Variants in IL1RAPL1 observed in about 807,000 individuals in gnomAD.
IL1RAPL1 encodes the protein interleukin 1 receptor accessory protein like 1.
IL1RAPL1 carries 3 observed loss-of-function variants against 48.4 expected under a neutral mutation model. The observed-to-expected ratio is 0.06, with a 90% CI of 0.03 to 0.16. The LOEUF (loss-of-function observed/expected upper bound fraction) is 0.16, where lower values mean the gene tolerates loss of function less well. IL1RAPL1 is among the 10% of genes least tolerant of loss of function. The probability of loss-of-function intolerance (pLI) is 1.00; values close to 1 mark genes in which losing one functional copy is unlikely to be tolerated. For synonymous variants in IL1RAPL1, 185 were observed against 187.7 expected, an observed-to-expected ratio of 0.99 and a Z score of 0.12; for missense variants, 349 against 530.6, an observed-to-expected ratio of 0.66 and a Z score of 3.36.
chrX:29,822,459 CTT>C (rs1171309110), intron 6 of IL1RAPL1, among the ~76,000 whole-genome samples: 1 of 103,685 alleles, frequency 9.6e-6, no homozygotes, highest in Non-Finnish European at 2.0e-5. Context: ...CAGATATACA[CTT>C]TTTTTTTTTG....
chrX:29,611,971 C>T (rs1157140080), intron 5 of IL1RAPL1, among the ~76,000 whole-genome samples: 2 of 111,315 alleles, frequency 1.8e-5, no homozygotes, highest in Admixed American at 9.6e-5. Context: ...CTCTGCTGCT[C>T]TCCTGCTCTT....
intron 1 of IL1RAPL1, among the ~76,000 whole-genome samples, chrX:28,655,375 C>A (rs1341355597): frequency 9.1e-6 from 1 of 110,366 alleles, no homozygotes; most frequent in Non-Finnish European, 1.9e-5. Context: ...TTCTTTCCAA[C>A]TTTTATTTTA....
intron 2 of IL1RAPL1, among the ~76,000 whole-genome samples, chrX:29,002,916 T>TACACACACACACACAC (rs371924976): frequency 2.9e-5 from 3 of 103,005 alleles, no homozygotes; most frequent in Non-Finnish European, 5.9e-5. Context: ...GTTATGTGTG[T>TACACACACACACACAC]ACACACACAC....
chrX:28,938,788 A>G (rs1924084810), intron 2 of IL1RAPL1, among the ~76,000 whole-genome samples: 1 of 111,199 alleles, frequency 9.0e-6, no homozygotes, highest in Non-Finnish European at 1.9e-5. Flanking sequence ...TCTGACAAAG[A>G]TATAATATCC....
chrX:28,775,471 T>A (rs1936353964), intron 1 of IL1RAPL1, among the ~76,000 whole-genome samples: 2 of 112,010 alleles, frequency 1.8e-5, no homozygotes, highest in Admixed American at 1.9e-4. Context: ...GGATTTAGGG[T>A]ACACCCTAAT....
chrX:29,753,359 A>G (rs1276260687), intron 6 of IL1RAPL1, among the ~76,000 whole-genome samples: 1 of 111,716 alleles, frequency 9.0e-6, no homozygotes, highest in Admixed American at 9.5e-5. Flanking sequence ...TGATGTAGGC[A>G]TACACTCACC....
chrX:29,135,987 T>C (rs1929118215), intron 2 of IL1RAPL1, among the ~76,000 whole-genome samples: 1 of 112,077 alleles, frequency 8.9e-6, no homozygotes, highest in Admixed American at 9.5e-5. Context: ...TCTGCCTGCC[T>C]TGGCCTTCCA....
intron 3 of IL1RAPL1, among the ~76,000 whole-genome samples, chrX:29,344,017 A>G (rs1194721472): frequency 8.9e-6 from 1 of 112,576 alleles, no homozygotes; most frequent in East Asian, 2.8e-4. Flanking sequence ...GACATTTATC[A>G]GCACACTCTG....
At chrX:29,045,472 A>T (rs1255963572) in intron 2 of IL1RAPL1, among the ~76,000 whole-genome samples, 1 of 111,610 alleles carries the variant, frequency 9.0e-6, no homozygotes, top group Admixed American at 9.5e-5. Flanking sequence ...TCATTTGGAA[A>T]CACATTTTTT....
intron 2 of IL1RAPL1, among the ~76,000 whole-genome samples, chrX:29,212,314 C>A (rs2147542866): frequency 9.1e-6 from 1 of 110,473 alleles, no homozygotes; most frequent in African/African-American, 3.3e-5. Flanking sequence ...GGAGTCCCCC[C>A]AATTTTTTTT....
At chrX:28,756,759 A>G (rs1936110113) in intron 1 of IL1RAPL1, among the ~76,000 whole-genome samples, 1 of 112,048 alleles carries the variant, frequency 8.9e-6, no homozygotes, top group Non-Finnish European at 1.9e-5. Flanking sequence ...GAACTGCTGC[A>G]TGATGTGTAC....
rs147350669 is a variant in IL1RAPL1, at chrX:29,077,102, A to T, written c.83-205836A>T. On this transcript the variant is annotated intron_variant, in intron 2 of 10. Coordinates refer to ENST00000378993, the MANE Select transcript of IL1RAPL1 (RefSeq NM_014271.4). ...TTCTAAAATAAATTGGTAATTATAAAGATGATAATGTATGGCCTCGAAGGC... is the reference window on the plus strand; with the variant it reads ...TTCTAAAATAAATTGGTAATTATAATGATGATAATGTATGGCCTCGAAGGC... Among the ~76,000 whole-genome samples, 746 of 112,122 alleles carry T rather than the reference A, an allele frequency of 6.7e-3. 11 individuals are homozygous for T. The highest frequency in any genetic ancestry group is 0.023 in the African/African-American group (723 of 30,878).
intron 1 of IL1RAPL1, among the ~76,000 whole-genome samples, chrX:28,687,885 T>G (rs1935130960): frequency 9.0e-6 from 1 of 110,768 alleles, no homozygotes; most frequent in South Asian, 3.8e-4. Flanking sequence ...GCAGATCACC[T>G]GAGGTCAGGA....
chrX:29,216,538 A>G (rs772735963), intron 2 of IL1RAPL1, among the ~76,000 whole-genome samples: 2 of 111,265 alleles, frequency 1.8e-5, no homozygotes, highest in Non-Finnish European at 3.8e-5. Flanking sequence ...AACTTTTTTG[A>G]TGTATTGACA....
Position 29,432,993 on chromosome X carries a change from G to T in IL1RAPL1, c.703+33685G>T, listed in dbSNP as rs12832188. ...ACCTTTTAAAAATCATTACTGCCCCGCTAAGGAGCTTTTTTAGTTATTTTT... is the reference window on the plus strand; with the variant it reads ...ACCTTTTAAAAATCATTACTGCCCCTCTAAGGAGCTTTTTTAGTTATTTTT... On this transcript the variant is annotated intron_variant, in intron 5 of 10. Transcript: ENST00000378993. Among the ~76,000 whole-genome samples, 14 of 108,927 alleles carry T rather than the reference G, an allele frequency of 1.3e-4. No homozygotes were observed. In the East Asian group the frequency reaches 4.1e-3, roughly 32 times the overall value. The allele number at this position is 108,927 out of a possible 115,157, so 94.6% of individuals were successfully genotyped here.
chrX:29,898,741 C>T (rs116130281), intron 6 of IL1RAPL1, among the ~76,000 whole-genome samples: 12,873 of 111,478 alleles, frequency 0.12, 604 homozygotes, highest in Non-Finnish European at 0.14. Context: ...ATAAAGTGGT[C>T]ATTTTCCTAA....
At position 29,633,458 on chromosome X, in the gene IL1RAPL1, G is replaced by GAT. The variant is rs746226680; in HGVS notation, c.704-34962_704-34961dup. Among the ~76,000 whole-genome samples, 527 of 97,004 alleles carry GAT rather than the reference G, an allele frequency of 5.4e-3. 3 individuals carry two copies. Among genetic ancestry groups the GAT allele is most frequent in the African/African-American group, 0.014 (365 of 25,552 alleles). 84.2% of individuals were successfully genotyped at this position (97,004 alleles called of 115,157 possible). On this transcript the variant is annotated intron_variant, in intron 5 of 10. Coordinates refer to ENST00000378993, the MANE Select transcript of IL1RAPL1 (RefSeq NM_014271.4). ...TATGTTCAGTTTGTGACAATTTATC[G>GAT]ATATATATATACACACACACACACA...
chrX:29,026,683 C>A (rs1312106605), intron 2 of IL1RAPL1, among the ~76,000 whole-genome samples: 1 of 111,887 alleles, frequency 8.9e-6, no homozygotes, highest in East Asian at 2.8e-4. Flanking sequence ...TTTTATTTAT[C>A]ACCTATTCTT....
At chrX:29,910,089 T>C (rs907871401) in intron 6 of IL1RAPL1, among the ~76,000 whole-genome samples, 4 of 111,601 alleles carry the variant, frequency 3.6e-5, no homozygotes, top group Non-Finnish European at 7.5e-5. Flanking sequence ...AAAAGAATGA[T>C]ATCATGTCCT....
Sources: gnomAD v4.1 joint callset for allele counts (sites outside exome capture counted in the v4.1 genomes callset) on GRCh38, gnomAD v4.1.1 for gene constraint, MANE v1.5 for transcripts, NCBI Gene and HGNC (gene_info 2026-07-23, HGNC 2026-07-21) for gene names.